SUMF1: variants seen among roughly 807,000 people sequenced by gnomAD.
SUMF1 encodes formylglycine-generating enzyme.
In SUMF1, 48 loss-of-function variants were observed where a neutral mutation model predicts 47.6. That is an observed-to-expected ratio of 1.01 (90% CI 0.80 to 1.28). The LOEUF (loss-of-function observed/expected upper bound fraction) is 1.28, where lower values mean the gene tolerates loss of function less well. Ranked by LOEUF, SUMF1 falls within the 50% of genes most tolerant of loss-of-function variation. SUMF1 has a pLI of 0.00. For missense variants in SUMF1, 571 were observed against 485.4 expected (o/e 1.18, Z -1.66); for synonymous variants, 230 against 192.1 (o/e 1.20, Z -1.63).
At chr3:4,278,498 C>A (rs77768682) in intron 8 of SUMF1, among the ~76,000 whole-genome samples, 2 of 151,918 alleles carry the variant, frequency 1.3e-5, no homozygotes, top group Non-Finnish European at 2.9e-5. Flanking sequence ...TAATTCTGAG[C>A]AAAATTTTAA....
At chr3:4,411,342 T>G (rs765612446) in intron 6 of SUMF1, among the ~76,000 whole-genome samples, 1 of 152,144 alleles carries the variant, frequency 6.6e-6, no homozygotes, top group Non-Finnish European at 1.5e-5. Context: ...GAAAATCCCA[T>G]TGGACCCAAT....
chr3:4,231,662 C>T (rs779075050), intron 8 of SUMF1, among the ~76,000 whole-genome samples: 1 of 152,154 alleles, frequency 6.6e-6, no homozygotes, highest in Non-Finnish European at 1.5e-5. Context: ...GAACAGCCTT[C>T]TGTTAAGAAA....
rs1700172150 is a variant in SUMF1 at position 4,371,645 on chromosome 3, G to A, written c.1014+4685C>T. On this transcript the variant is annotated intron_variant, in intron 8 of 8. Coordinates refer to ENST00000272902, the MANE Select transcript of SUMF1 (RefSeq NM_182760.4). ...CCTTAATGTTGTAGGCTGAGCTAAA[G>A]ACCCAGAGGGATTAATCTAACAACA... Among the ~76,000 whole-genome samples the A allele has an allele frequency of 2.0e-5, 3 of 152,186 alleles. 1 individual carries two copies. In the South Asian group the frequency reaches 6.2e-4, roughly 32 times the overall value.
intron 9 of SUMF1, among the ~76,000 whole-genome samples, chr3:4,056,602 T>G (rs998530864): frequency 2.6e-5 from 4 of 151,976 alleles, no homozygotes; most frequent in African/African-American, 9.7e-5. Context: ...GAAGTTACAG[T>G]GAGCTAAAAT....
chr3:4,182,288 C>T (rs995595840), intron 8 of SUMF1, among the ~76,000 whole-genome samples: 4 of 151,798 alleles, frequency 2.6e-5, no homozygotes, highest in Non-Finnish European at 5.9e-5. Context: ...TTCCTAAATA[C>T]GTTAAAGCCC....
chr3:4,416,263 A>G (rs1701708398), intron 6 of SUMF1, among the ~76,000 whole-genome samples: 1 of 152,184 alleles, frequency 6.6e-6, no homozygotes, highest in Non-Finnish European at 1.5e-5. Context: ...AAAATCATCA[A>G]AGACGTAGGT....
chr3:4,278,564 C>T (rs913046793), intron 8 of SUMF1, among the ~76,000 whole-genome samples: 4 of 152,054 alleles, frequency 2.6e-5, no homozygotes, highest in African/African-American at 9.7e-5. Flanking sequence ...ATATAACAAT[C>T]AAATACGTCT....
intron 8 of SUMF1, among the ~76,000 whole-genome samples, chr3:4,318,193 CA>C (rs566619474): frequency 5.1e-4 from 70 of 136,956 alleles, no homozygotes; most frequent in East Asian, 4.2e-4. Context: ...AATACAGAGG[CA>C]AAAAAAAAAA....
At chr3:4,046,959 C>T (rs1695018792) in intron 9 of SUMF1, among the ~76,000 whole-genome samples, 1 of 152,018 alleles carries the variant, frequency 6.6e-6, no homozygotes, top group Admixed American at 6.6e-5. Flanking sequence ...TTTGCCTCAC[C>T]AACCTCTGTC....
At chr3:4,337,468 C>A (rs1022249861) in intron 8 of SUMF1, among the ~76,000 whole-genome samples, 1 of 152,088 alleles carries the variant, frequency 6.6e-6, no homozygotes, top group Non-Finnish European at 1.5e-5. Flanking sequence ...TTAGTCCTCT[C>A]GTCCAGACAT....
chr3:4,350,645 T>C (rs1414709455), intron 8 of SUMF1, among the ~76,000 whole-genome samples: 1 of 152,032 alleles, frequency 6.6e-6, no homozygotes. Context: ...TGATAAATAG[T>C]TAAAAATGAG....
intron 8 of SUMF1, among the ~76,000 whole-genome samples, chr3:4,114,408 T>A (rs1693377267): frequency 6.6e-6 from 1 of 152,150 alleles, no homozygotes; most frequent in African/African-American, 2.4e-5. Context: ...TCCCCACATT[T>A]AAGGCAAGCT....
intron 8 of SUMF1, among the ~76,000 whole-genome samples, chr3:4,270,518 A>T (rs1697282796): frequency 6.6e-6 from 1 of 152,314 alleles, no homozygotes; most frequent in East Asian, 1.9e-4. Context: ...CAATGAATTT[A>T]TAATTACAAC....
chr3:4,235,417 G>T (rs1266683624), intron 8 of SUMF1, among the ~76,000 whole-genome samples: 1 of 151,942 alleles, frequency 6.6e-6, no homozygotes, highest in East Asian at 1.9e-4. Flanking sequence ...TACAGATTTG[G>T]GAGTCACCAG....
At chr3:4,183,042 A>C (rs907763553) in intron 8 of SUMF1, among the ~76,000 whole-genome samples, 3 of 152,250 alleles carry the variant, frequency 2.0e-5, no homozygotes, top group Admixed American at 2.0e-4. Flanking sequence ...CTATCGGCCA[A>C]CTGGGAATAA....
At chr3:4,389,041 G>C (rs1700765576) in intron 7 of SUMF1, among the ~76,000 whole-genome samples, 1 of 151,936 alleles carries the variant, frequency 6.6e-6, no homozygotes, top group Non-Finnish European at 1.5e-5. Context: ...CTCATATTTG[G>C]GCTTACCATG....
At chr3:4,392,534 A>G (rs371321355) in intron 7 of SUMF1, among the ~76,000 whole-genome samples, 7 of 151,082 alleles carry the variant, frequency 4.6e-5, no homozygotes, top group South Asian at 2.1e-4. Flanking sequence ...TAATATGCAT[A>G]ATTTAAGATT....
At chr3:4,068,686 G>A (rs974830109) in exon 9 of SUMF1, 3 of 451,320 alleles carry the variant, frequency 6.6e-6, no homozygotes, top group Non-Finnish European at 1.3e-5. Context: ...TGCTGGCTGT[G>A]TGTCTTCTCA....
chr3:4,243,633 T>C (rs1272418519), intron 8 of SUMF1, among the ~76,000 whole-genome samples: 1 of 152,208 alleles, frequency 6.6e-6, no homozygotes, highest in African/African-American at 2.4e-5. Context: ...AGAGAGAGTT[T>C]GTTGTGATTT....
Sources: allele counts gnomAD v4.1 joint callset (sites outside exome capture counted in the v4.1 genomes callset), GRCh38; gene constraint gnomAD v4.1.1; transcripts MANE v1.5; gene names NCBI Gene and HGNC (gene_info 2026-07-23, HGNC 2026-07-21).